The following VPS54 variants were observed in gnomAD, a reference collection of about 807,000 sequenced individuals.
VPS54 encodes vacuolar protein sorting-associated protein 54.
A neutral mutation model predicts 121.5 loss-of-function variants in VPS54; 45 were observed. That is an observed-to-expected ratio of 0.37 (90% CI 0.29 to 0.47). The LOEUF (loss-of-function observed/expected upper bound fraction) is 0.47. Among genes scored for constraint, VPS54 ranks in the 20% least tolerant of loss-of-function variants. The probability of loss-of-function intolerance (pLI) is 0.99; values close to 1 mark genes in which losing one functional copy is unlikely to be tolerated. For missense variants in VPS54, 1,090 were observed against 1,131.4 expected (o/e 0.96, Z 0.52); for synonymous variants, 371 against 385.8 (o/e 0.96, Z 0.45).
chr2:64,012,746 C>CCT (rs1678488298), intron 1 of VPS54, among the ~76,000 whole-genome samples: 1 of 151,916 alleles, frequency 6.6e-6, no homozygotes, highest in Non-Finnish European at 1.5e-5. Context: ...CCCTTTCCCT[C>CCT]CTCCCTGCCT....
intron 11 of VPS54, among the ~76,000 whole-genome samples, chr2:63,934,390 C>T (rs1674357551): frequency 6.6e-6 from 1 of 152,100 alleles, no homozygotes. Context: ...TGTTACTTAC[C>T]ATGCCTAGCC....
At chr2:64,006,368 G>T (rs779315294) in intron 1 of VPS54, among the ~76,000 whole-genome samples, 1 of 152,150 alleles carries the variant, frequency 6.6e-6, no homozygotes, top group Non-Finnish European at 1.5e-5. Context: ...TTTGATTCTA[G>T]ATCTCCACCT....
intron 3 of VPS54, among the ~76,000 whole-genome samples, chr2:63,980,768 A>G (rs1242723418): frequency 6.6e-6 from 1 of 152,098 alleles, no homozygotes; most frequent in Non-Finnish European, 1.5e-5. Context: ...ACCAAATTAT[A>G]GGTTACAAAG....
intron 12 of VPS54, among the ~76,000 whole-genome samples, chr2:63,924,309 A>G (rs1359155628): frequency 1.3e-5 from 2 of 152,242 alleles, no homozygotes; most frequent in South Asian, 2.1e-4. Flanking sequence ...ATAGTCATGT[A>G]ATTATTCTGG....
rs1559014836 is a variant in VPS54 at position 63,949,071 on chromosome 2, C to T, written c.1103G>A (p.Arg368Lys). 3 of 1,611,086 alleles carry T rather than the reference C, an allele frequency of 1.9e-6. No individual in the cohort carries two copies. Among genetic ancestry groups the T allele is most frequent in the Non-Finnish European group, 2.5e-6 (3 of 1,178,966 alleles). Residue 368 changes from arginine to lysine, a missense_variant, in exon 8 of 23, where the codon AGA (arginine) becomes AAA (lysine). Physicochemically the swap from Arg to Lys is conservative, Grantham distance 26. Transcript: ENST00000272322. ...FSTYSHSDLN[R>K]PLEDDCQVLE... ...AACTTGACAGTCATCTTCCAGTGGTCTATTTAAGTCACTGTGAGAATAAGT... is the reference window on the plus strand; with the variant it reads ...AACTTGACAGTCATCTTCCAGTGGTTTATTTAAGTCACTGTGAGAATAAGT...
At chr2:63,973,376 T>G (rs769911543) in intron 3 of VPS54, among the ~76,000 whole-genome samples, 11 of 152,246 alleles carry the variant, frequency 7.2e-5, no homozygotes, top group Non-Finnish European at 1.6e-4. Context: ...GAAAAATACA[T>G]ATAACATAAA....
intron 1 of VPS54, among the ~76,000 whole-genome samples, chr2:64,007,588 G>C (rs1232172909): frequency 6.6e-6 from 1 of 152,206 alleles, no homozygotes; most frequent in Non-Finnish European, 1.5e-5. Flanking sequence ...TATTCTTGTA[G>C]TGAACAGAAT....
intron 11 of VPS54, among the ~76,000 whole-genome samples, chr2:63,934,802 C>T (rs1234156864): frequency 6.6e-6 from 1 of 152,090 alleles, no homozygotes; most frequent in East Asian, 1.9e-4. Context: ...TAGTGCCTGG[C>T]AAATAGGAGG....
chr2:63,974,104 T>A (rs1426254535), intron 3 of VPS54, among the ~76,000 whole-genome samples: 4 of 152,236 alleles, frequency 2.6e-5, no homozygotes, highest in Non-Finnish European at 5.9e-5. Flanking sequence ...AGGTCTATCA[T>A]CAACTTTGAG....
In VPS54 at chr2:63,920,315, A is replaced by G. The variant is rs1454680310; in HGVS notation, c.2051+131T>C. 3 of 793,352 alleles carry G rather than the reference A, an allele frequency of 3.8e-6. No homozygotes were observed. In the African/African-American group the frequency reaches 5.4e-5, roughly 14 times the overall value. 49.1% of individuals were successfully genotyped at this position (793,352 alleles called of 1,614,324 possible). On this transcript the variant is annotated intron_variant, in intron 14 of 22. Coordinates refer to ENST00000272322, the MANE Select transcript of VPS54 (RefSeq NM_016516.3). ...CAAGAAATGTGATTTTAATTCCACA[A>G]TCTGCCTTTAATTAAAAAAACCTTT...
chr2:63,966,543 C>T (rs932852812), intron 5 of VPS54, among the ~76,000 whole-genome samples: 3 of 152,198 alleles, frequency 2.0e-5, no homozygotes, highest in Non-Finnish European at 4.4e-5. Context: ...TGTATCTCCA[C>T]AGCATTCAGT....
intron 7 of VPS54, among the ~76,000 whole-genome samples, chr2:63,959,583 T>C (rs111336473): frequency 2.0e-4 from 30 of 152,340 alleles, no homozygotes; most frequent in African/African-American, 6.7e-4. Context: ...TGAAAGTCTT[T>C]TTAAAAATCA....
intron 22 of VPS54, among the ~76,000 whole-genome samples, chr2:63,895,740 G>C (rs972957281): frequency 6.6e-6 from 1 of 152,174 alleles, no homozygotes; most frequent in Non-Finnish European, 1.5e-5. Context: ...ACAGGGTAGA[G>C]GTTAATCTTC....
chr2:63,978,770 C>T (rs1676664039), intron 3 of VPS54, among the ~76,000 whole-genome samples: 1 of 152,044 alleles, frequency 6.6e-6, no homozygotes, highest in Non-Finnish European at 1.5e-5. Flanking sequence ...CAGGCGCGCA[C>T]CACCACACCC....
chr2:63,942,175 A>G (rs34122334), intron 11 of VPS54, among the ~76,000 whole-genome samples: 22,920 of 152,056 alleles, frequency 0.15, 1,980 homozygotes, highest in Middle Eastern at 0.2. Context: ...TTGTACCTCT[A>G]GATAACCTAG....
At chr2:63,940,697 T>G (rs149598309) in intron 11 of VPS54, among the ~76,000 whole-genome samples, 2 of 152,188 alleles carry the variant, frequency 1.3e-5, no homozygotes, top group African/African-American at 4.8e-5. Flanking sequence ...TTCCAAGACC[T>G]ATCCATAACA....
intron 12 of VPS54, among the ~76,000 whole-genome samples, chr2:63,924,980 T>A (rs1345823495): frequency 2.6e-5 from 4 of 152,164 alleles, no homozygotes; most frequent in African/African-American, 9.7e-5. Context: ...CCAGAAAACA[T>A]CTTCAAGTCT....
At chr2:63,980,992 A>C (rs1281381387) in intron 3 of VPS54, among the ~76,000 whole-genome samples, 1 of 152,112 alleles carries the variant, frequency 6.6e-6, no homozygotes, top group Non-Finnish European at 1.5e-5. Flanking sequence ...CATATTCAAA[A>C]AAGTGCAAAG....
intron 20 of VPS54, among the ~76,000 whole-genome samples, chr2:63,902,372 C>A (rs192255739): frequency 8.5e-5 from 13 of 152,188 alleles, no homozygotes; most frequent in Non-Finnish European, 1.5e-4. Flanking sequence ...GAGTTGGAAG[C>A]CTCTGGCATA....
Sources: gnomAD v4.1 joint callset for allele counts (sites outside exome capture counted in the v4.1 genomes callset) on GRCh38, gnomAD v4.1.1 for gene constraint, MANE v1.5 for transcripts, NCBI Gene and HGNC (gene_info 2026-07-23, HGNC 2026-07-21) for gene names.